The following VPS37C variants were observed in gnomAD, a reference collection of about 807,000 sequenced individuals.
VPS37C encodes VPS37C subunit of ESCRT-I, also known as vacuolar protein sorting-associated protein 37C.
VPS37C carries 9 observed loss-of-function variants against 16.1 expected under a neutral mutation model. The ratio of observed to expected loss-of-function variants is 0.56; its 90% CI spans 0.34 to 0.97. VPS37C has a LOEUF of 0.97. VPS37C is among the 50% of genes least tolerant of loss of function. The pLI, the probability that VPS37C is intolerant of heterozygous loss-of-function variation, is 0.02. For synonymous variants in VPS37C, 207 were observed against 206.4 expected, an observed-to-expected ratio of 1.00 and a Z score of -0.02; for missense variants, 479 against 472.7, an observed-to-expected ratio of 1.01 and a Z score of -0.12.
intron 4 of VPS37C, chr11:61,132,835 G>A (rs2134626053): frequency 3.6e-6 from 2 of 558,420 alleles, no homozygotes; most frequent in Non-Finnish European, 6.4e-6. Context: ...CTGAACACCT[G>A]GATGAGCACT....
At chr11:61,136,984 G>A (rs1861387814) in intron 2 of VPS37C, among the ~76,000 whole-genome samples, 1 of 152,164 alleles carries the variant, frequency 6.6e-6, no homozygotes, top group Non-Finnish European at 1.5e-5. Context: ...ACTCCAGCCT[G>A]GGTGACAAAG....
Position 61,134,109 on chromosome 11 carries a change from G to A in VPS37C, c.192C>T (p.Arg64=). The change falls in exon 3 of 5, where the codon CGC becomes CGT. Residue 64 remains arginine, a synonymous_variant. Coordinates refer to ENST00000301765, the MANE Select transcript of VPS37C (RefSeq NM_017966.5). ...CCTGGTATCTATCCGAGAGGTTTGA[G>A]CGGCTGATCTCCAGGGGACCCTGGA... is the stretch of plus-strand genomic sequence containing the variant. ...LEFQGPLEIS[R]SNLSDRYQEL... The A allele has an allele frequency of 1.2e-6, 2 of 1,614,010 alleles. No individual in the cohort carries two copies. Among genetic ancestry groups the A allele is most frequent in the Middle Eastern group, 1.7e-4 (1 of 6,060 alleles).
chr11:61,158,840 A>G (rs1365186900), intron 1 of VPS37C, among the ~76,000 whole-genome samples: 1 of 152,216 alleles, frequency 6.6e-6, no homozygotes, highest in Non-Finnish European at 1.5e-5. Flanking sequence ...GAGGTGAGAT[A>G]TGAATTGGAA....
chr11:61,132,258 G>T lies in VPS37C; in HGVS notation c.630C>A (p.Ser210=), dbSNP rs772390265. ...CAGTGGGGCCCACAGGCAGGCTGGG[G>T]GATGGGCTGTAGGGCAAAGGGTAGG... ...MPPYPLPYSP[S]PSLPVGPTAH... is the part of the protein sequence containing the mutation. The change falls in exon 5 of 5, where the codon TCC becomes TCA. Residue 210 remains serine (S), a synonymous_variant. Transcript: ENST00000301765. 6.5e-7 allele frequency: 1 copy of T among 1,528,690 alleles called. No individual in the cohort carries two copies. Among genetic ancestry groups the T allele is most frequent in the South Asian group, 1.3e-5 (1 of 77,990 alleles). The allele number at this position is 1,528,690 out of a possible 1,614,324, so 94.7% of individuals were successfully genotyped here.
In VPS37C at chr11:61,132,451, C is replaced by T. The variant is rs781540368; in HGVS notation, c.437G>A (p.Arg146His). 3.7e-5 allele frequency: 60 copies of T among 1,613,056 alleles called. No homozygotes were observed. The highest frequency in any genetic ancestry group is 2.5e-4 in the South Asian group (23 of 91,040). The change falls in exon 5 of 5, where the codon CGC becomes CAC. Residue 146 changes from arginine to histidine, a missense_variant. Transcript: ENST00000301765. ...CTGGAGCTTTTCCACGCGAACCCGG[C>T]GCAGGTGGGACAGCATCCTCATGGA... is the stretch of plus-strand genomic sequence containing the variant. ...FSSMRMLSHL[R>H]RVRVEKLQEV...
intron 1 of VPS37C, among the ~76,000 whole-genome samples, chr11:61,155,104 C>T (rs1178480807): frequency 2.3e-5 from 3 of 130,614 alleles, no homozygotes; most frequent in East Asian, 2.2e-4. Flanking sequence ...ACTCTGTCTC[C>T]AAAAAAAAAA....
intron 1 of VPS37C, among the ~76,000 whole-genome samples, chr11:61,157,575 T>A (rs1462569478): frequency 6.6e-6 from 1 of 152,238 alleles, no homozygotes; most frequent in Non-Finnish European, 1.5e-5. Context: ...TCACCCACTT[T>A]TGAATCGGGT....
intron 4 of VPS37C, chr11:61,133,015 A>C (rs751880002): frequency 1.6e-6 from 1 of 633,378 alleles, no homozygotes; most frequent in Non-Finnish European, 2.9e-6. Flanking sequence ...CTGCCCTACC[A>C]TCCAGGGCTG....
At chr11:61,138,672 A>C in intron 2 of VPS37C, 65 bp downstream of exon 2, 1 of 1,491,714 alleles carries the variant, frequency 6.7e-7, no homozygotes, top group East Asian at 2.3e-5. Flanking sequence ...AGCATCCTTA[A>C]AAAGCGCCTC....
rs780802800 is a variant in VPS37C, at chr11:61,133,309, C to A, written c.294G>T (p.Gly98=). The change falls in exon 4 of 5, where the codon GGG becomes GGT. Residue 98 remains glycine (G), a synonymous_variant. Coordinates refer to ENST00000301765, the MANE Select transcript of VPS37C (RefSeq NM_017966.5). ...CCACCTGCAGAAGGTCTAACAAGGT[C>A]CCTGGCTGCAGTGCTGAAGAAAATT... The part of the protein sequence containing the change: ...LEKFSSALQP[G]TLLDLLQVEG... 2 of 1,614,184 alleles carry A rather than the reference C, an allele frequency of 1.2e-6. No individual in the cohort carries two copies. Among genetic ancestry groups the A allele is most frequent in the Non-Finnish European group, 1.7e-6 (2 of 1,180,020 alleles).
At chr11:61,146,608 G>A (rs1343290324) in intron 1 of VPS37C, among the ~76,000 whole-genome samples, 3 of 152,168 alleles carry the variant, frequency 2.0e-5, no homozygotes, top group Admixed American at 1.3e-4. Context: ...TGCGGGGCAG[G>A]CGGCTGCACA....
At chr11:61,134,830 CT>C (rs1365241290) in intron 2 of VPS37C, among the ~76,000 whole-genome samples, 1 of 152,228 alleles carries the variant, frequency 6.6e-6, no homozygotes, top group African/African-American at 2.4e-5. Context: ...TGGACATTCC[CT>C]GCTGCAAACA....
intron 1 of VPS37C, among the ~76,000 whole-genome samples, chr11:61,150,733 C>A (rs1853285915): frequency 6.6e-6 from 1 of 152,024 alleles, no homozygotes; most frequent in African/African-American, 2.4e-5. Flanking sequence ...CCGCTGCTCC[C>A]AACCCTCACC....
At chr11:61,136,356 T>C (rs1861374617) in intron 2 of VPS37C, among the ~76,000 whole-genome samples, 1 of 152,024 alleles carries the variant, frequency 6.6e-6, no homozygotes, top group Admixed American at 6.6e-5. Flanking sequence ...GTATTTTTAG[T>C]AGAGATGGGG....
intron 1 of VPS37C, among the ~76,000 whole-genome samples, chr11:61,141,906 G>A (rs895193121): frequency 6.6e-6 from 1 of 152,222 alleles, no homozygotes; most frequent in Non-Finnish European, 1.5e-5. Context: ...CACACAAACA[G>A]CACAGTCAGC....
chr11:61,156,103 A>G (rs1170364675), intron 1 of VPS37C, among the ~76,000 whole-genome samples: 2 of 152,248 alleles, frequency 1.3e-5, no homozygotes, highest in Non-Finnish European at 2.9e-5. Context: ...AACAAAGGAA[A>G]CAAAGTGGAA....
intron 1 of VPS37C, among the ~76,000 whole-genome samples, chr11:61,154,732 T>A (rs1379886180): frequency 6.6e-6 from 1 of 152,094 alleles, no homozygotes; most frequent in Non-Finnish European, 1.5e-5. Flanking sequence ...AAAAACTCAA[T>A]GAACCCAAGC....
At position 61,139,982 on chromosome 11, in the gene VPS37C, A is replaced by G. The variant is rs114607478; in HGVS notation, c.-6-1147T>C. Among the ~76,000 whole-genome samples, 1,016 of 152,218 alleles carry G rather than the reference A, an allele frequency of 6.7e-3. 12 individuals carry two copies. The highest frequency in any genetic ancestry group is 0.024 in the African/African-American group (980 of 41,526). ...GGTCTCGAACTACTGGGCTCAAACAATTCTCCTGCCTTGGCCTCCCAAGGT... is the reference window on the plus strand; with the variant it reads ...GGTCTCGAACTACTGGGCTCAAACAGTTCTCCTGCCTTGGCCTCCCAAGGT... On this transcript the variant is annotated intron_variant, in intron 1 of 4. Coordinates refer to ENST00000301765, the MANE Select transcript of VPS37C (RefSeq NM_017966.5).
intron 1 of VPS37C, among the ~76,000 whole-genome samples, chr11:61,150,004 G>A (rs920754803): frequency 1.2e-4 from 18 of 152,144 alleles, no homozygotes; most frequent in African/African-American, 4.3e-4. Context: ...CTGCCCCCTA[G>A]GTCGCTGGCT....
Sources: gnomAD v4.1 joint callset for allele counts (sites outside exome capture counted in the v4.1 genomes callset) on GRCh38, gnomAD v4.1.1 for gene constraint, MANE v1.5 for transcripts, NCBI Gene and HGNC (gene_info 2026-07-23, HGNC 2026-07-21) for gene names.